The following AKAP13 variants were observed in gnomAD, a reference collection of about 807,000 sequenced individuals.
AKAP13 encodes the protein A-kinase anchor protein 13.
AKAP13 carries 80 observed loss-of-function variants against 264.5 expected under a neutral mutation model. That is an observed-to-expected ratio of 0.30 (90% CI 0.25 to 0.36). The LOEUF is 0.36. Among genes scored for constraint, AKAP13 ranks in the 10% least tolerant of loss-of-function variants. The pLI is 1.00. For missense variants in AKAP13, 3,712 were observed against 3,435.2 expected, an observed-to-expected ratio of 1.08 and a Z score of -2.01; for synonymous variants, 1,380 against 1,250.2, an observed-to-expected ratio of 1.10 and a Z score of -2.19.
intron 15 of AKAP13, among the ~76,000 whole-genome samples, chr15:85,682,764 T>G (rs2084666482): frequency 6.6e-6 from 1 of 151,978 alleles, no homozygotes; most frequent in African/African-American, 2.4e-5. Context: ...GCCTCCCAGG[T>G]TCAAGCCATT....
intron 14 of AKAP13, chr15:85,677,190 G>A (rs1228273749): frequency 2.7e-5 from 26 of 947,478 alleles, no homozygotes; most frequent in Non-Finnish European, 3.3e-5. Context: ...AATTGTATGG[G>A]GGCTTTTAGC....
intron 25 of AKAP13, 121 bp downstream of exon 25, chr15:85,722,468 G>T: frequency 2.5e-6 from 2 of 813,558 alleles, no homozygotes; most frequent in Non-Finnish European, 1.9e-6. Context: ...GAGACCTTGT[G>T]TTTTATCTTG....
At chr15:85,534,082 A>G (rs1192437329) in intron 4 of AKAP13, 1 of 557,264 alleles carries the variant, frequency 1.8e-6, no homozygotes, top group African/African-American at 1.9e-5. Flanking sequence ...GTTGCAGCGA[A>G]ATGACCCTAG....
At position 85,706,585 on chromosome 15, in the gene AKAP13, T is replaced by G. The variant is rs907605067; in HGVS notation, c.5465-1434T>G. On this transcript the variant is annotated intron_variant, in intron 17 of 36. Coordinates refer to ENST00000394518, the MANE Select transcript of AKAP13 (RefSeq NM_007200.5). Reference sequence around the variant, plus strand: ...AATTTAGTTTGACAGCTGTTTGTCCTTTTGTGTTACTAAATTGATGTTTGA... The same window carrying G: ...AATTTAGTTTGACAGCTGTTTGTCCGTTTGTGTTACTAAATTGATGTTTGA... Among the ~76,000 whole-genome samples, 8 of 152,356 alleles carry G rather than the reference T, an allele frequency of 5.3e-5. No individual in the cohort carries two copies. The South Asian group carries it at 1.5e-3, about 28-fold the overall frequency.
intron 16 of AKAP13, among the ~76,000 whole-genome samples, chr15:85,691,448 G>A (rs1284783043): frequency 1.3e-5 from 2 of 152,202 alleles, no homozygotes; most frequent in Non-Finnish European, 2.9e-5. Context: ...CCACTCATCA[G>A]TAGTTCTTCA....
chr15:85,590,946 T>C (rs1388354864), intron 8 of AKAP13, among the ~76,000 whole-genome samples: 1 of 152,236 alleles, frequency 6.6e-6, no homozygotes, highest in African/African-American at 2.4e-5. Flanking sequence ...TCACTTATTT[T>C]AGTAACTAGT....
At chr15:85,433,400 G>A (rs1287880977) in intron 1 of AKAP13, among the ~76,000 whole-genome samples, 17 of 152,006 alleles carry the variant, frequency 1.1e-4, no homozygotes, top group Admixed American at 1.1e-3. Context: ...AAGTATGGGA[G>A]CACTTGTTTC....
At position 85,442,486 on chromosome 15, in the gene AKAP13, A is replaced by G. The variant is rs1386236405; in HGVS notation, c.-11-43224A>G. Among the ~76,000 whole-genome samples the G allele has an allele frequency of 2.4e-3, 269 of 111,218 alleles. 2 individuals are homozygous for G. The highest frequency in any genetic ancestry group is 0.022 in the South Asian group (86 of 3,996). 73.0% of individuals were successfully genotyped at this position (111,218 alleles called of 152,430 possible). A position where few individuals can be genotyped will look rare whatever the true frequency, so the allele number is the denominator to read the frequency against. ...ATACATAATATATATTATATAATAT[A>G]TATAATATATATTATATTATATATA... is the stretch of plus-strand genomic sequence containing the variant. On this transcript the variant is annotated intron_variant, in intron 1 of 36. Transcript: ENST00000394518.
chr15:85,577,354 G>GA lies in AKAP13; in HGVS notation c.862-1571dup, dbSNP rs1418209406. Among the ~76,000 whole-genome samples, 55 of 152,148 alleles carry GA rather than the reference G, an allele frequency of 3.6e-4. No homozygotes were observed. The South Asian group carries it at 6.0e-3, about 17-fold the overall frequency. On this transcript the variant is annotated intron_variant, in intron 6 of 36. Coordinates refer to ENST00000394518, the MANE Select transcript of AKAP13 (RefSeq NM_007200.5). ...GAATGGCGAGCAAACCAGATGTTTG[G>GA]AAAAATAGATTTTAGGTGTTGAGAA...
chr15:85,666,382 T>C (rs2083601175), intron 13 of AKAP13, among the ~76,000 whole-genome samples: 1 of 152,064 alleles, frequency 6.6e-6, no homozygotes, highest in African/African-American at 2.4e-5. Flanking sequence ...TTTTTTTTTC[T>C]TGTAAATTTT....
intron 4 of AKAP13, among the ~76,000 whole-genome samples, chr15:85,537,873 A>G (rs1378269291): frequency 6.6e-6 from 1 of 152,240 alleles, no homozygotes; most frequent in Non-Finnish European, 1.5e-5. Flanking sequence ...ACAAAAATTA[A>G]TCTTCACTTT....
At chr15:85,618,452 C>CTT (rs35032696) in intron 8 of AKAP13, among the ~76,000 whole-genome samples, 2 of 149,226 alleles carry the variant, frequency 1.3e-5, no homozygotes, top group South Asian at 4.2e-4. Flanking sequence ...AAGAGAAATC[C>CTT]TTTTTTTTTT....
At chr15:85,506,517 T>A (rs1441047185) in intron 2 of AKAP13, among the ~76,000 whole-genome samples, 1 of 138,636 alleles carries the variant, frequency 7.2e-6, no homozygotes, top group African/African-American at 2.6e-5. Flanking sequence ...ATTTTATATA[T>A]ACATATAGGT....
Position 85,719,156 on chromosome 15 carries a change from C to G in AKAP13, c.6082C>G (p.Leu2028Val). The G allele has an allele frequency of 1.2e-6, 2 of 1,614,162 alleles. No individual in the cohort carries two copies. Among genetic ancestry groups the G allele is most frequent in the Non-Finnish European group, 1.7e-6 (2 of 1,180,036 alleles). The change falls in exon 23 of 37, where the codon CTG becomes GTG. Residue 2028 changes from leucine to valine, a missense_variant. Transcript: ENST00000394518. The stretch of plus-strand genomic sequence containing the variant: ...GTACAGCCAGGGGATGATGGCGGAT[C>G]TGCTTTTTGAGCAGCAGATGGTAGA... ...GVYSQGMMAD[L>V]LFEQQMVEKL...
At chr15:85,686,191 A>ATG (rs55994240) in intron 16 of AKAP13, among the ~76,000 whole-genome samples, 1,788 of 151,394 alleles carry the variant, frequency 0.012, 33 homozygotes, top group African/African-American at 0.036. Flanking sequence ...ACGTGCATGC[A>ATG]TGTGTGTGTG....
At chr15:85,415,145 C>CT (rs2072179791) in intron 1 of AKAP13, 1 of 810,244 alleles carries the variant, frequency 1.2e-6, no homozygotes, top group East Asian at 2.7e-5. Flanking sequence ...AGGGAAATAC[C>CT]TTTAAAAAAA....
At position 85,693,134 on chromosome 15, in the gene AKAP13, A is replaced by C. The variant is rs543203605; in HGVS notation, c.5290-143A>C. The C allele has an allele frequency of 5.9e-5, 79 of 1,349,622 alleles. 3 individuals carry two copies. The South Asian group carries it at 1.4e-3, about 25-fold the overall frequency. 83.6% of individuals were successfully genotyped at this position (1,349,622 alleles called of 1,614,324 possible). A position where few individuals can be genotyped will look rare whatever the true frequency, so the allele number is the denominator to read the frequency against. Reference sequence around the variant, plus strand: ...GCCTTAATTTAAAAAAACAAAACAAAACACTTTGCCCAGAACTTTGTTTCT... The same window carrying C: ...GCCTTAATTTAAAAAAACAAAACAACACACTTTGCCCAGAACTTTGTTTCT... On this transcript the variant is annotated intron_variant, in intron 16 of 36. Transcript: ENST00000394518.
chr15:85,717,437 T>A, intron 21 of AKAP13, 35 bp downstream of exon 21: 1 of 1,425,402 alleles, frequency 7.0e-7, no homozygotes, highest in Non-Finnish European at 9.9e-7. Context: ...TTTATGCCTC[T>A]GTAGGGACTG....
At chr15:85,400,231 G>A (rs2071356720) in intron 1 of AKAP13, among the ~76,000 whole-genome samples, 3 of 152,134 alleles carry the variant, frequency 2.0e-5, no homozygotes, top group Non-Finnish European at 4.4e-5. Flanking sequence ...AACATAGTGA[G>A]AGCCTGTCTC....
Sources: allele counts gnomAD v4.1 joint callset (sites outside exome capture counted in the v4.1 genomes callset), GRCh38; gene constraint gnomAD v4.1.1; transcripts MANE v1.5; gene names NCBI Gene and HGNC (gene_info 2026-07-23, HGNC 2026-07-21).